Variants in DNAH6 observed in about 807,000 individuals in gnomAD.
DNAH6 encodes the protein axonemal beta dynein heavy chain 6.
In DNAH6, 340 loss-of-function variants were observed where a neutral mutation model predicts 491.4. That is an observed-to-expected ratio of 0.69 (90% CI 0.63 to 0.76). The LOEUF is 0.76. Ranked by LOEUF, DNAH6 falls within the 30% of genes least tolerant of loss-of-function variation. DNAH6 has a pLI of 0.00. For missense variants in DNAH6, 4,443 were observed against 4,972.2 expected, an observed-to-expected ratio of 0.89 and a Z score of 3.20; for synonymous variants, 1,603 against 1,686.1, an observed-to-expected ratio of 0.95 and a Z score of 1.21.
chr2:84,703,302 G>A lies in DNAH6; in HGVS notation c.8062-93G>A, dbSNP rs148696813. The A allele has an allele frequency of 1.0e-3, 914 of 906,900 alleles. 6 individuals are homozygous for A. In the African/African-American group the frequency reaches 0.014, roughly 14 times the overall value. 56.2% of individuals were successfully genotyped at this position (906,900 alleles called of 1,614,324 possible). A position where few individuals can be genotyped will look rare whatever the true frequency, so the allele number is the denominator to read the frequency against. On this transcript the variant is annotated intron_variant, in intron 49 of 76. Coordinates refer to ENST00000389394, the MANE Select transcript of DNAH6 (RefSeq NM_001370.2). ...AAACTGATTTAACAATTCTGTAGAC[G>A]TAAAAGTCTAATACATGAGTAATAT...
intron 2 of DNAH6, among the ~76,000 whole-genome samples, chr2:84,519,175 A>G (rs1675895469): frequency 6.6e-6 from 1 of 152,058 alleles, no homozygotes; most frequent in Admixed American, 6.5e-5. Context: ...GCCTGTATCA[A>G]CTGACAGATA....
chr2:84,631,394 C>T (rs1456961245), intron 29 of DNAH6, among the ~76,000 whole-genome samples: 1 of 152,086 alleles, frequency 6.6e-6, no homozygotes, highest in Non-Finnish European at 1.5e-5. Context: ...GCACCTAATC[C>T]ACAGTGTTGT....
At chr2:84,734,393 G>A (rs1445510735) in intron 62 of DNAH6, among the ~76,000 whole-genome samples, 1 of 151,938 alleles carries the variant, frequency 6.6e-6, no homozygotes, top group Non-Finnish European at 1.5e-5. Flanking sequence ...GCCTGCCTCG[G>A]CCTCCCAAAG....
intron 72 of DNAH6, among the ~76,000 whole-genome samples, chr2:84,812,084 G>A (rs150068514): frequency 6.6e-6 from 1 of 152,294 alleles, no homozygotes; most frequent in African/African-American, 2.4e-5. Flanking sequence ...GGCTTCAGGA[G>A]ACATTTCTGC....
At chr2:84,715,481 T>G in intron 57 of DNAH6, 79 bp from the exon 58 acceptor site, 86 of 1,350,936 alleles carry the variant, frequency 6.4e-5, no homozygotes, top group Non-Finnish European at 8.2e-5. Flanking sequence ...TGGGTAGTAA[T>G]GAGCTGTGTT....
chr2:84,555,607 C>G (rs981724328), intron 10 of DNAH6, among the ~76,000 whole-genome samples: 1 of 152,202 alleles, frequency 6.6e-6, no homozygotes, highest in Non-Finnish European at 1.5e-5. Context: ...CTATATGTCT[C>G]TATCTATAGA....
At chr2:84,475,846 G>T in the DNAH6 span, among the ~76,000 whole-genome samples, 15 of 152,170 alleles carry the variant, frequency 9.9e-5, no homozygotes, top group Non-Finnish European at 2.1e-4. Flanking sequence ...AGAACTGAAA[G>T]AAGGATATTT....
At chr2:84,715,469 CCTGGGTAGTA>C in intron 57 of DNAH6, 81 bp from the exon 58 acceptor site, 1 of 1,224,444 alleles carries the variant, frequency 8.2e-7, no homozygotes, top group Non-Finnish European at 1.2e-6. Context: ...GATACATCCG[CCTGGGTAGTA>C]ATGAGCTGTG....
At position 84,815,778 on chromosome 2, in the gene DNAH6, G is replaced by T. The variant is rs1403832197; in HGVS notation, c.12151-83G>T. The stretch of plus-strand genomic sequence containing the variant: ...AGAGTGTTTTTTAGAATTACCTGGT[G>T]AGGATGTGGGACATAGGAAGTGGCT... On this transcript the variant is annotated intron_variant, in intron 75 of 76. Transcript: ENST00000389394. 16 of 927,074 alleles carry T rather than the reference G, an allele frequency of 1.7e-5. No homozygotes were observed. In the African/African-American group the frequency reaches 2.0e-4, roughly 12 times the overall value. The allele number at this position is 927,074 out of a possible 1,614,324, so 57.4% of individuals were successfully genotyped here.
At chr2:84,715,699 TGACAAA>T (rs1404445307) in intron 58 of DNAH6, 72 bp downstream of exon 58, 3 of 1,412,036 alleles carry the variant, frequency 2.1e-6, no homozygotes, top group Admixed American at 4.0e-5. Flanking sequence ...TTAGAAATAT[TGACAAA>T]GACAATGTTC....
At chr2:84,470,056 A>G in the DNAH6 span, among the ~76,000 whole-genome samples, 1 of 152,188 alleles carries the variant, frequency 6.6e-6, no homozygotes, top group African/African-American at 2.4e-5. Context: ...TTACCTGAGT[A>G]TATGCACTCC....
At chr2:84,769,226 C>T (rs1426417485) in intron 64 of DNAH6, among the ~76,000 whole-genome samples, 3 of 152,194 alleles carry the variant, frequency 2.0e-5, no homozygotes, top group African/African-American at 7.2e-5. Flanking sequence ...AGCGGGCAAC[C>T]AAGATAAAGA....
chr2:84,775,870 AT>A (rs1368181341), intron 64 of DNAH6, among the ~76,000 whole-genome samples: 1 of 151,770 alleles, frequency 6.6e-6, no homozygotes, highest in Non-Finnish European at 1.5e-5. Context: ...CACCTTTGTC[AT>A]TTCTGATTGT....
chr2:84,570,934 G>A (rs1159968628), intron 11 of DNAH6, among the ~76,000 whole-genome samples: 1 of 152,136 alleles, frequency 6.6e-6, no homozygotes, highest in Non-Finnish European at 1.5e-5. Flanking sequence ...GAACCCGCTG[G>A]GAGGAACAAA....
chr2:84,782,075 G>T (rs142377380), intron 65 of DNAH6, among the ~76,000 whole-genome samples: 47 of 152,116 alleles, frequency 3.1e-4, no homozygotes, highest in African/African-American at 1.1e-3. Flanking sequence ...TCTGTAACCC[G>T]CATGGCAACT....
At chr2:84,796,757 G>A (rs576264965) in intron 69 of DNAH6, among the ~76,000 whole-genome samples, 48 of 152,146 alleles carry the variant, frequency 3.2e-4, no homozygotes, top group Admixed American at 4.6e-4. Context: ...AGATACTCAG[G>A]AGGCTGAGGT....
rs1205614863 is a variant in DNAH6 at position 84,707,593 on chromosome 2, G to A, written c.8925G>A (p.Gln2975=). Residue 2975 remains glutamine (Q), a synonymous_variant, in exon 54 of 77, where the codon CAG becomes CAA. Coordinates refer to ENST00000389394, the MANE Select transcript of DNAH6 (RefSeq NM_001370.2). ...GKLTAALEDE[Q]VRWEESIQKF... ...TGACAGCAGCATTAGAAGATGAGCA[G>A]GTTCGATGGGAAGAAAGCATACAGA... 1 of 1,552,008 alleles carries A rather than the reference G, an allele frequency of 6.4e-7. No homozygotes were observed. The highest frequency in any genetic ancestry group is 1.4e-5 in the African/African-American group (1 of 73,056).
In DNAH6 at chr2:84,704,254, A is replaced by G. The variant is rs1399496776; in HGVS notation, c.8417A>G (p.Asp2806Gly). 6.4e-7 allele frequency: 1 copy of G among 1,551,646 alleles called. No individual in the cohort carries two copies. Among genetic ancestry groups the G allele is most frequent in the Non-Finnish European group, 8.7e-7 (1 of 1,147,016 alleles). ...ATCAGAGTTTTTACAAAGCCCCCAG[A>G]TTTGGTCATGACAGTAATGGAAGCA... is the stretch of plus-strand genomic sequence containing the variant. ...SEIRVFTKPP[D>G]LVMTVMEAIS... The change falls in exon 51 of 77, where the codon GAT (aspartate) becomes GGT (glycine). Residue 2806 changes from aspartate (D) to glycine (G), a missense_variant. Around this residue, in one of 3 missense-constraint regions of DNAH6, gnomAD observed 1,463 missense variants for 1,656.6 expected, o/e 0.88. Coordinates refer to ENST00000389394, the MANE Select transcript of DNAH6 (RefSeq NM_001370.2).
rs1325244345 is a variant in DNAH6, at chr2:84,637,195, T to C, written c.4654-15T>C. 3 of 1,521,448 alleles carry C rather than the reference T, an allele frequency of 2.0e-6. No individual in the cohort carries two copies. The highest frequency in any genetic ancestry group is 2.8e-5 in the African/African-American group (2 of 71,848). 94.2% of individuals were successfully genotyped at this position (1,521,448 alleles called of 1,614,324 possible). A position where few individuals can be genotyped will look rare whatever the true frequency, so the allele number is the denominator to read the frequency against. ...TGTCTGGAAGAGTGTTAACTTATAT[T>C]TTATCTTCGAACAGCTCTCTAGATT... On this transcript the variant is annotated splice_polypyrimidine_tract_variant and intron_variant, in intron 30 of 76. Transcript: ENST00000389394.
Sources: gnomAD v4.1 joint callset for allele counts (sites outside exome capture counted in the v4.1 genomes callset) on GRCh38, gnomAD v4.1.1 for gene constraint, gnomAD v4.1.1 regional missense constraint, MANE v1.5 for transcripts, NCBI Gene and HGNC (gene_info 2026-07-23, HGNC 2026-07-21) for gene names.